The following CDH2 variants were observed in gnomAD, a reference collection of about 807,000 sequenced individuals.
The protein encoded by CDH2 is cadherin-2.
In CDH2, 17 loss-of-function variants were observed where a neutral mutation model predicts 92.0. The ratio of observed to expected loss-of-function variants is 0.18; its 90% CI spans 0.13 to 0.28. The LOEUF is 0.28. CDH2 is among the 10% of genes least tolerant of loss of function. CDH2 has a pLI of 1.00. For synonymous variants in CDH2, 419 were observed against 415.9 expected, an observed-to-expected ratio of 1.01 and a Z score of -0.09; for missense variants, 862 against 1,133.1, an observed-to-expected ratio of 0.76 and a Z score of 3.44.
chr18:27,990,048 G>A (rs1406130246), intron 10 of CDH2, 49 bp downstream of exon 10: 4 of 1,550,684 alleles, frequency 2.6e-6, no homozygotes, highest in Non-Finnish European at 3.6e-6. Context: ...TTTATGCACA[G>A]CATAGAACAT....
chr18:27,948,550 G>T (rs1021828521), downstream of CDH2, among the ~76,000 whole-genome samples: 199 of 151,744 alleles, frequency 1.3e-3, no homozygotes, highest in African/African-American at 4.7e-3. Flanking sequence ...AAATTTACTA[G>T]ATTAGCAAAA....
intron 2 of CDH2, among the ~76,000 whole-genome samples, chr18:28,037,307 TC>T (rs1448669207): frequency 6.6e-6 from 1 of 152,170 alleles, no homozygotes; most frequent in Admixed American, 6.6e-5. Context: ...GTGCTTCTTC[TC>T]CCAGATTTTT....
intron 2 of CDH2, among the ~76,000 whole-genome samples, chr18:28,020,219 T>C (rs1420286999): frequency 1.3e-5 from 2 of 152,226 alleles, no homozygotes; most frequent in East Asian, 3.9e-4. Flanking sequence ...AAGTTGTTTA[T>C]TTTACACAAA....
intron 2 of CDH2, among the ~76,000 whole-genome samples, chr18:28,026,748 T>C (rs1415203636): frequency 6.6e-6 from 1 of 152,180 alleles, no homozygotes; most frequent in Non-Finnish European, 1.5e-5. Context: ...CATACCTGTA[T>C]TCCATTCATG....
intron 2 of CDH2, among the ~76,000 whole-genome samples, chr18:28,112,264 C>T (rs1033544213): frequency 2.0e-5 from 3 of 152,206 alleles, no homozygotes; most frequent in Non-Finnish European, 4.4e-5. Flanking sequence ...TTTAGCTCCA[C>T]GGTCACAGGC....
At chr18:28,102,251 T>C (rs1291807685) in intron 2 of CDH2, among the ~76,000 whole-genome samples, 1 of 152,170 alleles carries the variant, frequency 6.6e-6, no homozygotes, top group Non-Finnish European at 1.5e-5. Flanking sequence ...TTATTTTTTT[T>C]CATTATATTA....
Position 28,139,076 on chromosome 18 carries a change from G to A in CDH2, c.172+8597C>T, listed in dbSNP as rs192679749. On this transcript the variant is annotated intron_variant, in intron 2 of 15. Transcript: ENST00000269141. Reference sequence around the variant, plus strand: ...GCCATTTCTGTGAAGAAAACCTTCTGCTGACATAAAATCATCAAGACAAAA... The same window carrying A: ...GCCATTTCTGTGAAGAAAACCTTCTACTGACATAAAATCATCAAGACAAAA... Among the ~76,000 whole-genome samples the A allele has an allele frequency of 4.6e-5, 7 of 151,898 alleles. No individual in the cohort carries two copies. In the East Asian group the frequency reaches 1.2e-3, roughly 25 times the overall value.
chr18:27,940,582 C>T (rs996907444), intron 6 of CDH2, among the ~76,000 whole-genome samples: 1 of 152,072 alleles, frequency 6.6e-6, no homozygotes, highest in Admixed American at 6.5e-5. Context: ...ATGTTTTTTC[C>T]ACCCTGAGAC....
intron 2 of CDH2, among the ~76,000 whole-genome samples, chr18:28,119,350 C>T (rs764477404): frequency 3.9e-5 from 6 of 151,960 alleles, no homozygotes; most frequent in Admixed American, 3.3e-4. Context: ...AGAGCCAAAA[C>T]GAATGTGTGA....
At chr18:27,942,009 C>A (rs1232327435) in intron 6 of CDH2, among the ~76,000 whole-genome samples, 2 of 152,044 alleles carry the variant, frequency 1.3e-5, no homozygotes, top group Non-Finnish European at 1.5e-5. Flanking sequence ...CTATAAGGGC[C>A]AAATAAATTA....
At chr18:28,102,415 G>A (rs2015241982) in intron 2 of CDH2, among the ~76,000 whole-genome samples, 1 of 151,976 alleles carries the variant, frequency 6.6e-6, no homozygotes, top group Admixed American at 6.6e-5. Context: ...TTTTTAACTG[G>A]AAACACAGAA....
intron 15 of CDH2, 32 bp downstream of exon 15, chr18:27,963,325 C>T (rs775005448): frequency 6.2e-7 from 1 of 1,607,228 alleles, no homozygotes; most frequent in Admixed American, 1.7e-5. Flanking sequence ...GAAATGAAAA[C>T]TCTTATAGAG....
At chr18:27,948,034 C>T (rs1286522237), downstream of CDH2, among the ~76,000 whole-genome samples, 1 of 137,276 alleles carries the variant, frequency 7.3e-6, no homozygotes, top group East Asian at 2.5e-4. Context: ...AGTGATATAA[C>T]TTTGATATAA....
chr18:27,948,229 A>AT (rs1173127965), downstream of CDH2, among the ~76,000 whole-genome samples: 1 of 145,122 alleles, frequency 6.9e-6, no homozygotes, highest in Non-Finnish European at 1.6e-5. Context: ...GAAAACAGAT[A>AT]TAAGTGATAT....
At chr18:28,008,229 G>C (rs1000133527) in intron 5 of CDH2, among the ~76,000 whole-genome samples, 1 of 152,122 alleles carries the variant, frequency 6.6e-6, no homozygotes, top group Non-Finnish European at 1.5e-5. Context: ...GTAGAGGCAG[G>C]TATATTGTGT....
intron 2 of CDH2, among the ~76,000 whole-genome samples, chr18:28,051,913 C>G (rs1163800747): frequency 2.6e-5 from 4 of 152,098 alleles, no homozygotes; most frequent in Non-Finnish European, 5.9e-5. Flanking sequence ...TACCAATCAT[C>G]CAGGTTGGAT....
At chr18:27,934,270 C>T (rs1481981562) in intron 6 of CDH2, among the ~76,000 whole-genome samples, 1 of 152,158 alleles carries the variant, frequency 6.6e-6, no homozygotes, top group Non-Finnish European at 1.5e-5. Context: ...GTATCGATGT[C>T]TGTCAAACTA....
At chr18:28,065,052 T>C (rs974711025) in intron 2 of CDH2, among the ~76,000 whole-genome samples, 4 of 152,208 alleles carry the variant, frequency 2.6e-5, no homozygotes, top group Middle Eastern at 3.4e-3. Context: ...AAGTCACAAA[T>C]GAAGCTGTGG....
intron 2 of CDH2, among the ~76,000 whole-genome samples, chr18:28,106,863 C>G (rs1341336571): frequency 1.3e-5 from 2 of 152,078 alleles, no homozygotes; most frequent in Non-Finnish European, 2.9e-5. Context: ...CCTAGTTACA[C>G]AAATGTTTAG....
Sources: allele counts gnomAD v4.1 joint callset (sites outside exome capture counted in the v4.1 genomes callset), GRCh38; gene constraint gnomAD v4.1.1; transcripts MANE v1.5; gene names NCBI Gene and HGNC (gene_info 2026-07-23, HGNC 2026-07-21).